PRKD1: variants seen among roughly 807,000 people sequenced by gnomAD.
PRKD1 encodes the protein serine/threonine-protein kinase D1.
PRKD1 carries 63 observed loss-of-function variants against 95.9 expected under a neutral mutation model. The observed-to-expected ratio is 0.66, with a 90% CI of 0.54 to 0.81. The LOEUF (loss-of-function observed/expected upper bound fraction) is 0.81, where lower values mean the gene tolerates loss of function less well. Among genes scored for constraint, PRKD1 ranks in the 30% least tolerant of loss-of-function variants. PRKD1 has a pLI of 0.00. For synonymous variants in PRKD1, 425 were observed against 423.1 expected (o/e 1.00, Z -0.05); for missense variants, 1,048 against 1,165.3 (o/e 0.90, Z 1.47).
At chr14:29,665,970 G>A in intron 3 of PRKD1, 107 bp downstream of exon 3, 1 of 1,270,900 alleles carries the variant, frequency 7.9e-7, no homozygotes. Context: ...TCCACTCATT[G>A]GTTGATGGGC....
chr14:29,779,096 G>C lies in PRKD1; in HGVS notation c.265-53422C>G, dbSNP rs1055242625. Among the ~76,000 whole-genome samples the C allele has an allele frequency of 3.3e-5, 5 of 152,116 alleles. No individual in the cohort carries two copies. The East Asian group carries it at 9.6e-4, about 29-fold the overall frequency. On this transcript the variant is annotated intron_variant, in intron 1 of 17. Coordinates refer to ENST00000331968, the MANE Select transcript of PRKD1 (RefSeq NM_002742.3). The stretch of plus-strand genomic sequence containing the variant: ...TTGACAAAATTCAACAGCCCTTCAT[G>C]CTAAAAACTCTCAATAAATTAGGTA...
intron 1 of PRKD1, among the ~76,000 whole-genome samples, chr14:29,854,524 A>G (rs1349849339): frequency 1.3e-5 from 2 of 152,182 alleles, no homozygotes; most frequent in East Asian, 3.8e-4. Flanking sequence ...TGTTAAAGGC[A>G]CTCAGTTTTA....
Position 29,638,290 on chromosome 14 carries a change from T to C in PRKD1, c.985+199A>G, listed in dbSNP as rs1021964713. ...CTAGCTGCTCACCATGTAAAGATCA[T>C]GAAAGGGTCTTTGACTGTTATCAAA... On this transcript the variant is annotated intron_variant, in intron 6 of 17. Coordinates refer to ENST00000331968, the MANE Select transcript of PRKD1 (RefSeq NM_002742.3). The C allele has an allele frequency of 2.7e-5, 16 of 584,144 alleles. No homozygotes were observed. In the African/African-American group the frequency reaches 2.8e-4, roughly 10 times the overall value. 36.2% of individuals were successfully genotyped at this position (584,144 alleles called of 1,614,324 possible).
chr14:29,826,213 T>C (rs571116543), intron 1 of PRKD1, among the ~76,000 whole-genome samples: 50 of 121,848 alleles, frequency 4.1e-4, no homozygotes, highest in African/African-American at 1.3e-3. Flanking sequence ...AATATATATA[T>C]ACATATATAT....
At chr14:29,865,631 A>G (rs150345607) in intron 1 of PRKD1, among the ~76,000 whole-genome samples, 1 of 152,178 alleles carries the variant, frequency 6.6e-6, no homozygotes, top group Non-Finnish European at 1.5e-5. Context: ...CCATATGTCA[A>G]TGCCACGCTC....
chr14:29,789,207 G>A (rs961171274), intron 1 of PRKD1, among the ~76,000 whole-genome samples: 1 of 151,988 alleles, frequency 6.6e-6, no homozygotes, highest in African/African-American at 2.4e-5. Context: ...CTTTGATATC[G>A]TTACTTGGAA....
chr14:29,637,509 T>A (rs1291573781), intron 6 of PRKD1, among the ~76,000 whole-genome samples: 1 of 152,156 alleles, frequency 6.6e-6, no homozygotes, highest in Non-Finnish European at 1.5e-5. Context: ...TTCAAAGTAA[T>A]CAACAACATC....
chr14:29,835,280 A>ATC (rs1345783354), intron 1 of PRKD1, among the ~76,000 whole-genome samples: 3 of 152,214 alleles, frequency 2.0e-5, no homozygotes, highest in African/African-American at 7.2e-5. Context: ...AATAATTTGC[A>ATC]TCTCACATCT....
intron 1 of PRKD1, among the ~76,000 whole-genome samples, chr14:29,897,135 A>G (rs893875399): frequency 6.6e-6 from 1 of 152,032 alleles, no homozygotes; most frequent in African/African-American, 2.4e-5. Flanking sequence ...TCATTTTATA[A>G]GTCTATTTTA....
At chr14:29,868,274 T>C (rs1892980489) in intron 1 of PRKD1, among the ~76,000 whole-genome samples, 1 of 152,206 alleles carries the variant, frequency 6.6e-6, no homozygotes, top group African/African-American at 2.4e-5. Flanking sequence ...TTGCAATCAC[T>C]ATAGGAACTG....
At chr14:29,771,192 CT>C (rs1888492511) in intron 1 of PRKD1, among the ~76,000 whole-genome samples, 1 of 152,000 alleles carries the variant, frequency 6.6e-6, no homozygotes, top group Non-Finnish European at 1.5e-5. Flanking sequence ...CTAAGCAACC[CT>C]TTGATAAAGA....
intron 1 of PRKD1, among the ~76,000 whole-genome samples, chr14:29,873,835 T>C (rs1248816902): frequency 1.3e-5 from 2 of 151,770 alleles, no homozygotes; most frequent in Non-Finnish European, 2.9e-5. Context: ...ATTATTTTAA[T>C]AAAGTAGCAC....
At position 29,892,834 on chromosome 14, in the gene PRKD1, C is replaced by T. The variant is rs149778090; in HGVS notation, c.264+34415G>A. Among the ~76,000 whole-genome samples, 143 of 152,298 alleles carry T rather than the reference C, an allele frequency of 9.4e-4. 3 individuals carry two copies. The highest frequency in any genetic ancestry group is 3.3e-3 in the African/African-American group (138 of 41,558). ...CACTAAAATTCTAGATGGCTTCATG[C>T]ACTGCTTACAAATAAGAATCTGTCA... On this transcript the variant is annotated intron_variant, in intron 1 of 17. Coordinates refer to ENST00000331968, the MANE Select transcript of PRKD1 (RefSeq NM_002742.3).
At chr14:29,886,089 G>A (rs1893696998) in intron 1 of PRKD1, among the ~76,000 whole-genome samples, 1 of 152,208 alleles carries the variant, frequency 6.6e-6, no homozygotes, top group South Asian at 2.1e-4. Context: ...TCACGTAGCA[G>A]TGATACGTGT....
intron 13 of PRKD1, among the ~76,000 whole-genome samples, chr14:29,607,124 A>G (rs575217596): frequency 1.4e-4 from 21 of 152,294 alleles, no homozygotes; most frequent in Admixed American, 1.2e-3. Flanking sequence ...TACTGGGTAA[A>G]TTTTATGGCA....
chr14:29,757,771 G>C (rs928595171), intron 1 of PRKD1, among the ~76,000 whole-genome samples: 1 of 152,096 alleles, frequency 6.6e-6, no homozygotes, highest in African/African-American at 2.4e-5. Context: ...TTTAAAGGGA[G>C]TGAGAATGGA....
At chr14:29,656,227 C>T (rs1024108058) in intron 4 of PRKD1, among the ~76,000 whole-genome samples, 1 of 152,116 alleles carries the variant, frequency 6.6e-6, no homozygotes, top group Non-Finnish European at 1.5e-5. Flanking sequence ...CCTGAAAAAC[C>T]TAATTCTATT....
intron 1 of PRKD1, among the ~76,000 whole-genome samples, chr14:29,769,614 G>A (rs1888414600): frequency 1.3e-5 from 2 of 152,022 alleles, no homozygotes; most frequent in Admixed American, 1.3e-4. Context: ...CAGTCCATGT[G>A]TGTCAACATT....
chr14:29,775,278 G>T (rs891478192), intron 1 of PRKD1, among the ~76,000 whole-genome samples: 1 of 152,178 alleles, frequency 6.6e-6, no homozygotes, highest in African/African-American at 2.4e-5. Context: ...TCGTCTCATT[G>T]GTGCTTGTCA....
Sources: gnomAD v4.1 joint callset for allele counts (sites outside exome capture counted in the v4.1 genomes callset) on GRCh38, gnomAD v4.1.1 for gene constraint, MANE v1.5 for transcripts, NCBI Gene and HGNC (gene_info 2026-07-23, HGNC 2026-07-21) for gene names.